Variants in ANKRD29 observed in about 807,000 individuals in gnomAD.
ANKRD29 encodes the protein ankyrin repeat domain-containing protein 29.
A neutral mutation model predicts 38.0 loss-of-function variants in ANKRD29; 32 were observed. The ratio of observed to expected loss-of-function variants is 0.84; its 90% CI spans 0.64 to 1.13. The LOEUF (loss-of-function observed/expected upper bound fraction) is 1.13. ANKRD29 is among the 50% of genes most tolerant of loss of function. ANKRD29 has a pLI of 0.00. For synonymous variants in ANKRD29, 135 were observed against 152.4 expected, an observed-to-expected ratio of 0.89 and a Z score of 0.84; for missense variants, 357 against 377.9, an observed-to-expected ratio of 0.94 and a Z score of 0.46.
At chr18:23,637,356 C>T (rs2060015521) in intron 4 of ANKRD29, among the ~76,000 whole-genome samples, 1 of 152,122 alleles carries the variant, frequency 6.6e-6, no homozygotes, top group South Asian at 2.1e-4. Context: ...AAAGACAAAA[C>T]CTTATATGAA....
intron 4 of ANKRD29, 129 bp from the exon 5 acceptor site, chr18:23,634,278 G>GT (rs71163626): frequency 0.016 from 5,908 of 371,542 alleles, 404 homozygotes; most frequent in African/African-American, 0.085. Flanking sequence ...CACTTTCCCT[G>GT]TTTTTTTTTT....
intron 1 of ANKRD29, among the ~76,000 whole-genome samples, chr18:23,655,920 C>T (rs888062757): frequency 6.7e-6 from 1 of 149,342 alleles, no homozygotes; most frequent in African/African-American, 2.4e-5. Flanking sequence ...GGTGAAACCC[C>T]GTCTCTACTA....
At chr18:23,636,489 C>T (rs1395751029) in intron 4 of ANKRD29, among the ~76,000 whole-genome samples, 1 of 152,124 alleles carries the variant, frequency 6.6e-6, no homozygotes, top group Non-Finnish European at 1.5e-5. Context: ...TGGTCTCCAA[C>T]TCCTGGTCTC....
intron 9 of ANKRD29, among the ~76,000 whole-genome samples, chr18:23,606,799 G>C (rs917533619): frequency 2.0e-5 from 3 of 152,198 alleles, no homozygotes; most frequent in African/African-American, 7.2e-5. Flanking sequence ...AGGAGTTCAA[G>C]GTTACAGTTA....
intron 9 of ANKRD29, among the ~76,000 whole-genome samples, chr18:23,611,360 G>A (rs959387454): frequency 1.8e-4 from 27 of 152,034 alleles, no homozygotes; most frequent in Admixed American, 1.6e-3. Context: ...TTTCTTCCTC[G>A]CCTCCACCAG....
intron 8 of ANKRD29, among the ~76,000 whole-genome samples, chr18:23,617,122 C>T (rs1568014396): frequency 6.6e-6 from 1 of 152,110 alleles, no homozygotes; most frequent in East Asian, 1.9e-4. Flanking sequence ...GAGGCTGAGA[C>T]AGGAGAATCA....
chr18:23,619,374 C>G (rs1256767251), intron 7 of ANKRD29, 157 bp downstream of exon 7: 1 of 677,148 alleles, frequency 1.5e-6, no homozygotes. Context: ...AGGAGAGAGA[C>G]CGAGCAGCAC....
intron 1 of ANKRD29, among the ~76,000 whole-genome samples, chr18:23,655,460 T>C (rs969599334): frequency 4.7e-4 from 72 of 152,130 alleles, no homozygotes; most frequent in Non-Finnish European, 5.9e-5. Context: ...TTTTTTATTT[T>C]TTGAGACGGA....
In ANKRD29 at chr18:23,647,530, A is replaced by AT. The variant is rs35426600; in HGVS notation, c.133-1244dup. ...TGGCTTCTTAGTGGTGCTCTATGGT[A>AT]TTTTTTTTTTTTGAGTCGAAGTCTC... On this transcript the variant is annotated intron_variant, in intron 2 of 9. Transcript: ENST00000592179. The AT allele has an allele frequency of 2.9e-3, 422 of 145,914 alleles. 6 individuals carry two copies. The highest frequency in any genetic ancestry group is 0.028 in the South Asian group (127 of 4,588). The allele number at this position is 145,914 out of a possible 1,614,324, so 9.0% of individuals were successfully genotyped here. A position where few individuals can be genotyped will look rare whatever the true frequency, so the allele number is the denominator to read the frequency against.
chr18:23,635,185 A>G (rs1225015209), intron 4 of ANKRD29, among the ~76,000 whole-genome samples: 1 of 151,834 alleles, frequency 6.6e-6, no homozygotes, highest in East Asian at 1.9e-4. Flanking sequence ...CGGAAGATCA[A>G]TTGAGCCCAG....
At chr18:23,603,824 T>C (rs1286561643) in intron 9 of ANKRD29, among the ~76,000 whole-genome samples, 1 of 151,940 alleles carries the variant, frequency 6.6e-6, no homozygotes, top group Non-Finnish European at 1.5e-5. Context: ...CCATCTTGGA[T>C]GCTAATCTGC....
rs983319187 is a variant in ANKRD29 at position 23,634,288 on chromosome 18, T to G, written c.331-139A>C. On this transcript the variant is annotated intron_variant, in intron 4 of 9. Coordinates refer to ENST00000592179, the MANE Select transcript of ANKRD29 (RefSeq NM_173505.4). ...AAACTCACTTTCCCTGTTTTTTTTTTTTTTTTTTTTTTTTTTTTTGAGATG... is the reference window on the plus strand; with the variant it reads ...AAACTCACTTTCCCTGTTTTTTTTTGTTTTTTTTTTTTTTTTTTTGAGATG... 7.5e-4 allele frequency: 103 copies of G among 137,882 alleles called. 1 individual carries two copies. The highest frequency in any genetic ancestry group is 2.8e-3 in the East Asian group (56 of 20,252). 8.5% of individuals were successfully genotyped at this position (137,882 alleles called of 1,614,324 possible).
At chr18:23,639,359 A>G (rs1452327194) in intron 3 of ANKRD29, among the ~76,000 whole-genome samples, 1 of 152,126 alleles carries the variant, frequency 6.6e-6, no homozygotes, top group African/African-American at 2.4e-5. Flanking sequence ...GTGTCCATCT[A>G]TGGATGAGGA....
chr18:23,626,819 T>A (rs1188203951), intron 6 of ANKRD29, among the ~76,000 whole-genome samples: 5 of 152,268 alleles, frequency 3.3e-5, no homozygotes, highest in Non-Finnish European at 1.5e-5. Context: ...AATGTAACTT[T>A]GTCAACATCC....
intron 9 of ANKRD29, among the ~76,000 whole-genome samples, chr18:23,608,484 C>T (rs2059599745): frequency 6.6e-6 from 1 of 152,188 alleles, no homozygotes; most frequent in Non-Finnish European, 1.5e-5. Flanking sequence ...ATACTTATAA[C>T]CATTATTGCT....
intron 1 of ANKRD29, among the ~76,000 whole-genome samples, chr18:23,650,736 T>C (rs950847768): frequency 2.6e-5 from 4 of 152,232 alleles, no homozygotes; most frequent in Admixed American, 2.6e-4. Context: ...TATTAAATGA[T>C]GCTGATTTTT....
At chr18:23,628,430 A>G (rs2059888679) in intron 6 of ANKRD29, among the ~76,000 whole-genome samples, 1 of 152,218 alleles carries the variant, frequency 6.6e-6, no homozygotes, top group Non-Finnish European at 1.5e-5. Flanking sequence ...GCATTCCTGT[A>G]TCAGGTCATA....
chr18:23,621,205 C>T (rs753750538), intron 6 of ANKRD29, among the ~76,000 whole-genome samples: 13 of 152,256 alleles, frequency 8.5e-5, no homozygotes, highest in East Asian at 5.8e-4. Flanking sequence ...AATTACCCAT[C>T]GGGGGAAGGG....
intron 9 of ANKRD29, among the ~76,000 whole-genome samples, chr18:23,611,558 G>A (rs528476761): frequency 3.9e-5 from 6 of 152,204 alleles, no homozygotes; most frequent in South Asian, 2.1e-4. Flanking sequence ...GGTGGTCTGC[G>A]CCGGTAATCC....
Sources: gnomAD v4.1 joint callset for allele counts (sites outside exome capture counted in the v4.1 genomes callset) on GRCh38, gnomAD v4.1.1 for gene constraint, MANE v1.5 for transcripts, NCBI Gene and HGNC (gene_info 2026-07-23, HGNC 2026-07-21) for gene names.